SLC38A12: variants seen among roughly 807,000 people sequenced by gnomAD.
SLC38A12 encodes the protein putative sodium-coupled neutral amino acid transporter 12.
the SLC38A12 span, among the ~76,000 whole-genome samples, chr17:74,826,793 A>T: frequency 6.6e-6 from 1 of 152,172 alleles, no homozygotes; most frequent in Non-Finnish European, 1.5e-5. Flanking sequence ...CAGAGAGGGC[A>T]CACACCTGGA....
the SLC38A12 span, among the ~76,000 whole-genome samples, chr17:74,824,452 CTG>C: frequency 5.6e-3 from 854 of 152,280 alleles, 14 homozygotes; most frequent in East Asian, 0.057. Context: ...GAGGCTGCCC[CTG>C]CCCCGCCGCA....
At chr17:74,837,369 C>A in the SLC38A12 span, 51 of 985,424 alleles carry the variant, frequency 5.2e-5, no homozygotes, top group Non-Finnish European at 5.7e-5. Flanking sequence ...ATGGAGCATC[C>A]CTTCTACAGG....
the SLC38A12 span, among the ~76,000 whole-genome samples, chr17:74,805,265 G>A: frequency 2.6e-4 from 39 of 152,242 alleles, no homozygotes; most frequent in Non-Finnish European, 5.1e-4. The surrounding 1 kb of genome is among the most constrained non-coding windows in gnomAD (Gnocchi z 5.0). Context: ...GGAAAGGAGA[G>A]GGGCTGGGCA....
At chr17:74,807,110 C>T in the SLC38A12 span, among the ~76,000 whole-genome samples, 1 of 150,354 alleles carries the variant, frequency 6.7e-6, no homozygotes. Context: ...CAGACACCCC[C>T]CCACCCCACC....
chr17:74,808,735 C>G, the SLC38A12 span, among the ~76,000 whole-genome samples: 1 of 152,226 alleles, frequency 6.6e-6, no homozygotes, highest in South Asian at 2.1e-4. Flanking sequence ...TTGGAGACAA[C>G]AGGCGGGGTA....
the SLC38A12 span, among the ~76,000 whole-genome samples, chr17:74,780,007 C>T: frequency 6.6e-6 from 1 of 152,166 alleles, no homozygotes; most frequent in African/African-American, 2.4e-5. Flanking sequence ...TGTCTGTTTC[C>T]CCATTTATGA....
At chr17:74,780,639 C>G in the SLC38A12 span, among the ~76,000 whole-genome samples, 1 of 152,170 alleles carries the variant, frequency 6.6e-6, no homozygotes, top group East Asian at 1.9e-4. Flanking sequence ...CTTCCTGCCT[C>G]TATGTCTGTT....
At chr17:74,820,845 C>T in the SLC38A12 span, among the ~76,000 whole-genome samples, 1 of 152,220 alleles carries the variant, frequency 6.6e-6, no homozygotes, top group Non-Finnish European at 1.5e-5. Context: ...CAGGACTCAG[C>T]AGCGGGTCAT....
At chr17:74,818,029 C>A in the SLC38A12 span, among the ~76,000 whole-genome samples, 1 of 152,200 alleles carries the variant, frequency 6.6e-6, no homozygotes, top group African/African-American at 2.4e-5. Flanking sequence ...ACATCTCCCT[C>A]TTCATCCTTC....
At chr17:74,819,738 T>C in the SLC38A12 span, 1 of 1,613,902 alleles carries the variant, frequency 6.2e-7, no homozygotes, top group Non-Finnish European at 8.5e-7. Context: ...CACTCTTGTT[T>C]CCATCCCCCA....
chr17:74,800,989 G>A, the SLC38A12 span, among the ~76,000 whole-genome samples: 3 of 152,182 alleles, frequency 2.0e-5, no homozygotes, highest in African/African-American at 7.2e-5. Context: ...CCTCTCATGT[G>A]GTTCACGTGA....
the SLC38A12 span, among the ~76,000 whole-genome samples, chr17:74,789,543 C>CAA: frequency 6.5e-4 from 72 of 110,706 alleles, no homozygotes; most frequent in East Asian, 0.018. Context: ...GCAAGCATTT[C>CAA]AAAAAAAAAA....
chr17:74,793,299 C>T, the SLC38A12 span, among the ~76,000 whole-genome samples: 1 of 152,118 alleles, frequency 6.6e-6, no homozygotes, highest in Non-Finnish European at 1.5e-5. Context: ...GCCAGTAGCA[C>T]CTCCTACTTA....
the SLC38A12 span, among the ~76,000 whole-genome samples, chr17:74,809,448 C>T: frequency 1.3e-5 from 2 of 152,080 alleles, no homozygotes; most frequent in African/African-American, 2.4e-5. Context: ...CTGGACTGTC[C>T]CTCCCGTGCT....
chr17:74,816,824 G>A, the SLC38A12 span, among the ~76,000 whole-genome samples: 1 of 152,128 alleles, frequency 6.6e-6, no homozygotes, highest in Admixed American at 6.5e-5. Flanking sequence ...TTGCTCAGGA[G>A]CCAGCTAATT....
At chr17:74,823,846 G>A in the SLC38A12 span, among the ~76,000 whole-genome samples, 4 of 152,262 alleles carry the variant, frequency 2.6e-5, no homozygotes, top group African/African-American at 4.8e-5. Flanking sequence ...TGGGACAGGC[G>A]GCATTTACTC....
the SLC38A12 span, among the ~76,000 whole-genome samples, chr17:74,824,789 G>C: frequency 6.6e-6 from 1 of 152,130 alleles, no homozygotes; most frequent in Non-Finnish European, 1.5e-5. Flanking sequence ...GGATGAACTT[G>C]AGCCTGCCTC....
chr17:74,818,564 T>G, the SLC38A12 span, among the ~76,000 whole-genome samples: 1 of 152,066 alleles, frequency 6.6e-6, no homozygotes, highest in Non-Finnish European at 1.5e-5. Context: ...TCTGCGGGGC[T>G]CCTACCTGTC....
At chr17:74,836,482 CG>C in the SLC38A12 span, 1 of 1,610,224 alleles carries the variant, frequency 6.2e-7, no homozygotes, top group Non-Finnish European at 8.5e-7. This position sits in a 1 kb window ranked among gnomAD's most constrained non-coding sequence, Gnocchi z 4.2. Flanking sequence ...GGGGCCTACG[CG>C]GGCACCGGCA....
Sources: allele counts gnomAD v4.1 joint callset (sites outside exome capture counted in the v4.1 genomes callset), GRCh38; gene constraint gnomAD v4.1.1; non-coding constraint Gnocchi (gnomAD v3.1); transcripts MANE v1.5; gene names NCBI Gene and HGNC (gene_info 2026-07-23, HGNC 2026-07-21).